Variants in PCARE observed in about 807,000 individuals in gnomAD.
PCARE encodes uncharacterized protein C2orf71.
PCARE carries 72 observed loss-of-function variants against 82.2 expected under a neutral mutation model. The ratio of observed to expected loss-of-function variants is 0.88; its 90% CI spans 0.72 to 1.07. The LOEUF is 1.07. PCARE is among the 50% of genes least tolerant of loss of function. The probability of loss-of-function intolerance (pLI) is 0.00; values close to 1 mark genes in which losing one functional copy is unlikely to be tolerated. For missense variants in PCARE, 1,768 were observed against 1,592.4 expected, an observed-to-expected ratio of 1.11 and a Z score of -1.88; for synonymous variants, 705 against 634.8, an observed-to-expected ratio of 1.11 and a Z score of -1.66.
At position 29,072,571 on chromosome 2, in the gene PCARE, C is replaced by T. The variant is rs1195259002; in HGVS notation, c.1691G>A (p.Trp564Ter). Residue 564 changes from tryptophan (W) to a stop codon, truncating the protein, a stop_gained, in exon 1 of 2, where the codon TGG becomes TAG. Coordinates refer to ENST00000331664, the MANE Select transcript of PCARE (RefSeq NM_001029883.3). LOFTEE classifies it high-confidence loss of function. ...TGTCCTCCCCTCCTCCTCCTCAGAC[C>T]AGTCCTGGTGCCCACAGGGCACAGG... ...FVPVPCGHQD[W>*]SEEEEGRTVV... 9 of 1,614,198 alleles carry T rather than the reference C, an allele frequency of 5.6e-6. No homozygotes were observed. The highest frequency in any genetic ancestry group is 6.8e-6 in the Non-Finnish European group (8 of 1,180,034).
rs184281410 is a variant in PCARE at position 29,071,297 on chromosome 2, G to C, written c.2965C>G (p.Pro989Ala). 1.9e-4 allele frequency: 299 copies of C among 1,613,466 alleles called. 2 individuals are homozygous for C. The East Asian group carries it at 3.6e-3, about 20-fold the overall frequency. ...GTGGGAGAGGCCTTTCTGCCCACAGGGGGGCTTCTCTCTCGGCTCTGCCTT... is the reference window on the plus strand; with the variant it reads ...GTGGGAGAGGCCTTTCTGCCCACAGCGGGGCTTCTCTCTCGGCTCTGCCTT... ...RPRQSRERSPPVGRKASPTRT... is the reference protein window; with the variant it reads ...RPRQSRERSPAVGRKASPTRT... Residue 989 changes from proline to alanine, a missense_variant, in exon 1 of 2, where the codon CCT becomes GCT. Physicochemically the swap from Pro to Ala is conservative, Grantham distance 27. Transcript: ENST00000331664.
Position 29,071,041 on chromosome 2 carries a change from G to A in PCARE, c.3221C>T (p.Pro1074Leu). Residue 1074 changes from proline to leucine, a missense_variant, in exon 1 of 2, where the codon CCA becomes CTA. Coordinates refer to ENST00000331664, the MANE Select transcript of PCARE (RefSeq NM_001029883.3). Reference sequence around the variant, plus strand: ...GGGGCTTGCTTCTGGGTGCTGGGTTGGGGGGCTGGGGACCTTGCACTGAGC... The same window carrying A: ...GGGGCTTGCTTCTGGGTGCTGGGTTAGGGGGCTGGGGACCTTGCACTGAGC... ...APAQCKVPSP[P>L]TQHPEASPPF... 6.3e-7 allele frequency: 1 copy of A among 1,585,848 alleles called. No individual in the cohort carries two copies. Among genetic ancestry groups the A allele is most frequent in the Non-Finnish European group, 8.6e-7 (1 of 1,161,572 alleles).
chr2:29,071,052 G>T lies in PCARE; in HGVS notation c.3210C>A (p.Val1070=). 1 of 1,217,018 alleles carries T rather than the reference G, an allele frequency of 8.2e-7. No individual in the cohort carries two copies. Among genetic ancestry groups the T allele is most frequent in the Non-Finnish European group, 1.1e-6 (1 of 889,206 alleles). The allele number at this position is 1,217,018 out of a possible 1,614,324, so 75.4% of individuals were successfully genotyped here. Reference sequence around the variant, plus strand: ...CTGGGTGCTGGGTTGGGGGGCTGGGGACCTTGCACTGAGCAGGTGCACTCT... The same window carrying T: ...CTGGGTGCTGGGTTGGGGGGCTGGGTACCTTGCACTGAGCAGGTGCACTCT... ...PPESAPAQCK[V]PSPPTQHPEA... Residue 1070 remains valine, a synonymous_variant, in exon 1 of 2, where the codon GTC becomes GTA. Transcript: ENST00000331664.
chr2:29,073,852 CT>C lies in PCARE; in HGVS notation c.409del (p.Ser137ValfsTer45). 4 of 1,614,232 alleles carry C rather than the reference CT, an allele frequency of 2.5e-6. No individual in the cohort carries two copies. Among genetic ancestry groups the C allele is most frequent in the Non-Finnish European group, 3.4e-6 (4 of 1,180,044 alleles). On this transcript the variant is annotated frameshift_variant, in exon 1 of 2. Coordinates refer to ENST00000331664, the MANE Select transcript of PCARE (RefSeq NM_001029883.3). LOFTEE classifies it high-confidence loss of function. The stretch of plus-strand genomic sequence containing the variant: ...CCATTTGGAAGTATCTTGGGTACTA[CT>C]TTCCTCACTCTCATCTCCAGAAAAG... ...ADFSGDESEE[S>X]STQDTSKWKR...
Position 29,071,764 on chromosome 2 carries a change from G to A in PCARE, c.2498C>T (p.Pro833Leu), listed in dbSNP as rs752107215. The stretch of plus-strand genomic sequence containing the variant: ...TTTGTCCATCAGAACTTCCATAGGC[G>A]GTGGAGGGAGGTGCTCGAGGTTCCC... ...MEGNLEHLPP[P>L]PMEVLMDKSF... Residue 833 changes from proline (P) to leucine (L), a missense_variant, in exon 1 of 2, where the codon CCG becomes CTG. Physicochemically the swap from Pro to Leu is moderately conservative, Grantham distance 98 (BLOSUM62 -3). Coordinates refer to ENST00000331664, the MANE Select transcript of PCARE (RefSeq NM_001029883.3). 17 of 1,613,336 alleles carry A rather than the reference G, an allele frequency of 1.1e-5. No individual in the cohort carries two copies. Among genetic ancestry groups the A allele is most frequent in the Admixed American group, 6.7e-5 (4 of 59,978 alleles).
rs1224160585 is a variant in PCARE at position 29,065,051 on chromosome 2, G to C, written c.3685C>G (p.Pro1229Ala). 6.5e-7 allele frequency: 1 copy of C among 1,538,470 alleles called. No individual in the cohort carries two copies. The highest frequency in any genetic ancestry group is 1.5e-5 in the African/African-American group (1 of 65,836). Residue 1229 changes from proline to alanine, a missense_variant, in exon 2 of 2, where the codon CCT (proline) becomes GCT (alanine). By Grantham distance (27) the Pro-to-Ala change is conservative. Transcript: ENST00000331664. ...CTCCCCGGCTCTGTGTCCTTCTTAG[G>C]GCTCTCCTCGCTGCTGCTGCCGAGA... ...LGQNSSSEES[P>A]KKDTEPGSSP...
At chr2:29,068,278 TTATC>T (rs754594374) in intron 1 of PCARE, among the ~76,000 whole-genome samples, 36 of 152,226 alleles carry the variant, frequency 2.4e-4, no homozygotes, top group Non-Finnish European at 4.6e-4. Flanking sequence ...CTGGGGAAGT[TTATC>T]TAACTGTAAT....
intron 1 of PCARE, among the ~76,000 whole-genome samples, chr2:29,070,261 C>T (rs1415053513): frequency 2.0e-5 from 3 of 152,144 alleles, no homozygotes; most frequent in African/African-American, 7.2e-5. Context: ...AAGGCTCTCC[C>T]TCCCCTTGTT....
chr2:29,063,845 AC>A lies in PCARE; in HGVS notation c.*1023del, dbSNP rs1667346833. ...ACTCCAGCAGAAGTTCTGCAAGATG[AC>A]CTGGGAATAAAGTTGGCCAAGAAGC... On this transcript the variant is annotated 3_prime_UTR_variant, in exon 2 of 2. Transcript: ENST00000331664. The A allele has an allele frequency of 6.6e-6, 1 of 152,360 alleles. No homozygotes were observed. The highest frequency in any genetic ancestry group is 6.5e-5 in the Admixed American group (1 of 15,284). The allele number at this position is 152,360 out of a possible 1,614,324, so 9.4% of individuals were successfully genotyped here. A position where few individuals can be genotyped will look rare whatever the true frequency, so the allele number is the denominator to read the frequency against.
Position 29,065,479 on chromosome 2 carries a change from C to T in PCARE, c.3669-412G>A, listed in dbSNP as rs114337224. ...CAACAAGGAAAAAACCGGCTTCGCTCAGCTGCCACCCTTTTCCCGAATAGA... is the reference window on the plus strand; with the variant it reads ...CAACAAGGAAAAAACCGGCTTCGCTTAGCTGCCACCCTTTTCCCGAATAGA... On this transcript the variant is annotated intron_variant, in intron 1 of 1. Transcript: ENST00000331664. Among the ~76,000 whole-genome samples the T allele has an allele frequency of 9.6e-3, 1,463 of 152,380 alleles. 20 individuals are homozygous for T. The highest frequency in any genetic ancestry group is 0.034 in the African/African-American group (1,406 of 41,596).
At position 29,064,541 on chromosome 2, in the gene PCARE, T is replaced by A; in HGVS notation, c.*328A>T. The A allele has an allele frequency of 2.1e-6, 1 of 486,520 alleles. No homozygotes were observed. The allele number at this position is 486,520 out of a possible 1,614,324, so 30.1% of individuals were successfully genotyped here. A position where few individuals can be genotyped will look rare whatever the true frequency, so the allele number is the denominator to read the frequency against. ...AAGTGATCTCAAGGAATGAACCCAG[T>A]TAAAACCCTATCAAGCATGCAACTA... On this transcript the variant is annotated 3_prime_UTR_variant, in exon 2 of 2. Coordinates refer to ENST00000331664, the MANE Select transcript of PCARE (RefSeq NM_001029883.3).
rs1667314319 is a variant in PCARE at position 29,061,895 on chromosome 2, G to A, written c.*2974C>T. ...TTGCCCCTCCTGCCACCAGCAATGC[G>A]TGCTCCAAGGCAGACTCAAGTTTGT... On this transcript the variant is annotated 3_prime_UTR_variant, in exon 2 of 2. Coordinates refer to ENST00000331664, the MANE Select transcript of PCARE (RefSeq NM_001029883.3). The A allele has an allele frequency of 6.6e-6, 1 of 152,208 alleles. No homozygotes were observed. Among genetic ancestry groups the A allele is most frequent in the South Asian group, 2.1e-4 (1 of 4,824 alleles). 9.4% of individuals were successfully genotyped at this position (152,208 alleles called of 1,614,324 possible).
At position 29,071,236 on chromosome 2, in the gene PCARE, CGCCTCTT is replaced by C; in HGVS notation, c.3019_3025del (p.Lys1007AlafsTer26). 1 of 1,611,390 alleles carries C rather than the reference CGCCTCTT, an allele frequency of 6.2e-7. No individual in the cohort carries two copies. The highest frequency in any genetic ancestry group is 1.7e-5 in the Admixed American group (1 of 59,846). Reference sequence around the variant, plus strand: ...TCTGTAAGAGGAGGGAAGGCTCCGGCGCCTCTTGTCTGCTTGAGGCACCCAGTGTGTC... The same window carrying C: ...TCTGTAAGAGGAGGGAAGGCTCCGGCGTCTGCTTGAGGCACCCAGTGTGTC... On this transcript the variant is annotated frameshift_variant, in exon 1 of 2. Transcript: ENST00000331664. LOFTEE classifies it high-confidence loss of function.
At chr2:29,066,214 A>G (rs898470938) in intron 1 of PCARE, among the ~76,000 whole-genome samples, 13 of 152,338 alleles carry the variant, frequency 8.5e-5, no homozygotes, top group Non-Finnish European at 1.6e-4. Flanking sequence ...ACTCATAGGT[A>G]TCAATACTGG....
rs781712767 is a variant in PCARE, at chr2:29,064,900, T to A, written c.3836A>T (p.Glu1279Val). ...CACCTCCTCTTGCTGGGGCTGCGCC[T>A]CTGGCTGGGATTTGTCCTGGATGTG... is the stretch of plus-strand genomic sequence containing the variant. ...TGHIQDKSQP[E>V]AQPQQEEVS Residue 1279 changes from glutamate (E) to valine (V), a missense_variant, in exon 2 of 2, where the codon GAG (glutamate) becomes GTG (valine). Glu to Val is a moderately radical substitution (Grantham distance 121, BLOSUM62 -2). Transcript: ENST00000331664. The A allele has an allele frequency of 6.2e-7, 1 of 1,611,916 alleles. No individual in the cohort carries two copies. The highest frequency in any genetic ancestry group is 8.5e-7 in the Non-Finnish European group (1 of 1,179,936).
intron 1 of PCARE, among the ~76,000 whole-genome samples, chr2:29,066,436 C>T (rs1667390611): frequency 6.6e-6 from 1 of 152,198 alleles, no homozygotes; most frequent in Admixed American, 6.5e-5. Context: ...ACCCTAGTTC[C>T]CCACATGCAC....
chr2:29,064,888 T>C lies in PCARE; in HGVS notation c.3848A>G (p.Gln1283Arg), dbSNP rs778285450. 1.2e-6 allele frequency: 2 copies of C among 1,611,740 alleles called. No individual in the cohort carries two copies. Among genetic ancestry groups the C allele is most frequent in the African/African-American group, 1.3e-5 (1 of 74,994 alleles). The change falls in exon 2 of 2, where the codon CAG (glutamine) becomes CGG (arginine). Residue 1283 changes from glutamine to arginine, a missense_variant. Gln to Arg is a conservative substitution (Grantham distance 43). Coordinates refer to ENST00000331664, the MANE Select transcript of PCARE (RefSeq NM_001029883.3). The part of the protein sequence containing the change: ...QDKSQPEAQP[Q>R]QEEVS ...AGCCTGTCAGGACACCTCCTCTTGC[T>C]GGGGCTGCGCCTCTGGCTGGGATTT...
chr2:29,071,329 G>A lies in PCARE; in HGVS notation c.2933C>T (p.Ala978Val). ...TCTCTCTCGGCTCTGCCTTGGTCTGGCCAGGCTGGACTCTGAGGTCCTGTT... is the reference window on the plus strand; with the variant it reads ...TCTCTCTCGGCTCTGCCTTGGTCTGACCAGGCTGGACTCTGAGGTCCTGTT... ...GQNRTSESSL[A>V]RPRQSRERSP... is the part of the protein sequence containing the mutation. Residue 978 changes from alanine to valine, a missense_variant, in exon 1 of 2, where the codon GCC becomes GTC. Coordinates refer to ENST00000331664, the MANE Select transcript of PCARE (RefSeq NM_001029883.3). 6.2e-7 allele frequency: 1 copy of A among 1,613,526 alleles called. No individual in the cohort carries two copies. The highest frequency in any genetic ancestry group is 1.1e-5 in the South Asian group (1 of 91,086).
chr2:29,074,242 T>A lies in PCARE; in HGVS notation c.20A>T (p.His7Leu). MGCTPS[H>L]SDLVNSVAKS... ...TGCAACGCTGTTTACAAGGTCACTG[T>A]GTGAAGGTGTACACCCCATGATTTC... Residue 7 changes from histidine (H) to leucine (L), a missense_variant, in exon 1 of 2, where the codon CAC (histidine) becomes CTC (leucine). Transcript: ENST00000331664. The A allele has an allele frequency of 2.6e-6, 4 of 1,558,082 alleles. No homozygotes were observed. The highest frequency in any genetic ancestry group is 3.5e-6 in the Non-Finnish European group (4 of 1,153,238).
Sources: gnomAD v4.1 joint callset for allele counts (sites outside exome capture counted in the v4.1 genomes callset) on GRCh38, gnomAD v4.1.1 for gene constraint, MANE v1.5 for transcripts, NCBI Gene and HGNC (gene_info 2026-07-23, HGNC 2026-07-21) for gene names.